Variants in CEACAM20 observed in about 807,000 individuals in gnomAD.
The protein encoded by CEACAM20 is cell adhesion molecule CEACAM20.
Under a neutral mutation model 61.2 loss-of-function variants are expected in CEACAM20, and 50 were observed. The ratio of observed to expected loss-of-function variants is 0.82; its 90% CI spans 0.65 to 1.03. The LOEUF is 1.03. Among genes scored for constraint, CEACAM20 ranks in the 50% least tolerant of loss-of-function variants. The pLI is 0.00. For synonymous variants in CEACAM20, 282 were observed against 287.7 expected (o/e 0.98, Z 0.20); for missense variants, 683 against 736.4 (o/e 0.93, Z 0.84).
At position 44,529,467 on chromosome 19, in the gene CEACAM20, G is replaced by A. The variant is rs764196654; in HGVS notation, c.43C>T (p.Leu15=). ...GAAGCAGGGCACTCACCTGAAAGCA[G>A]GATTCCCATCCAGTGGTGTCCCCAT... ...DSWGHHWMGI[L]LSASLCTVWS... The change falls in exon 1 of 12, where the codon CTG becomes TTG. Residue 15 remains leucine (L), a synonymous_variant. Transcript: ENST00000614924. 2.5e-6 allele frequency: 4 copies of A among 1,613,222 alleles called. No individual in the cohort carries two copies. The South Asian group carries it at 3.3e-5, about 13-fold the overall frequency.
In CEACAM20 at chr19:44,517,221, C is replaced by G; in HGVS notation, c.1034G>C (p.Gly345Ala). ...SEPLELTINYGPDQVHITRES... is the reference protein window; with the variant it reads ...SEPLELTINYAPDQVHITRES... Reference sequence around the variant, plus strand: ...CCTGGTGATGTGCACTTGGTCAGGACCATCTGTGTGTAAAGCCAAACGTGA... The same window carrying G: ...CCTGGTGATGTGCACTTGGTCAGGAGCATCTGTGTGTAAAGCCAAACGTGA... The change falls in exon 6 of 12, where the codon GGT becomes GCT. Residue 345 changes from glycine (G) to alanine (A), a missense_variant. Coordinates refer to ENST00000614924, the MANE Select transcript of CEACAM20 (RefSeq NM_001102597.3). 6.2e-7 allele frequency: 1 copy of G among 1,604,006 alleles called. No individual in the cohort carries two copies. The highest frequency in any genetic ancestry group is 8.5e-7 in the Non-Finnish European group (1 of 1,179,086).
chr19:44,513,350 C>T (rs1971063971), intron 6 of CEACAM20, 61 bp from the exon 7 acceptor site: 15 of 1,127,608 alleles, frequency 1.3e-5, no homozygotes, highest in Non-Finnish European at 1.7e-5. Context: ...GCTCCCAGCC[C>T]GTTCCCAAGC....
rs778673424 is a variant in CEACAM20 at position 44,522,740 on chromosome 19, G to T, written c.645C>A (p.Phe215Leu). 1.2e-6 allele frequency: 2 copies of T among 1,613,938 alleles called. No homozygotes were observed. Among genetic ancestry groups the T allele is most frequent in the South Asian group, 2.2e-5 (2 of 91,060 alleles). Reference protein sequence around the residue: ...DSILSHTTRTFTIHAVSREHE... With the variant: ...DSILSHTTRTLTIHAVSREHE... ...GTTCTCTGGACACAGCATGGATGGTGAATGTTCTCGTGGTGTGAGACAGAA... is the reference window on the plus strand; with the variant it reads ...GTTCTCTGGACACAGCATGGATGGTTAATGTTCTCGTGGTGTGAGACAGAA... The change falls in exon 4 of 12, where the codon TTC (phenylalanine) becomes TTA (leucine). Residue 215 changes from phenylalanine to leucine, a missense_variant. By Grantham distance (22) the Phe-to-Leu change is conservative. Coordinates refer to ENST00000614924, the MANE Select transcript of CEACAM20 (RefSeq NM_001102597.3).
chr19:44,523,014 C>A, intron 3 of CEACAM20, 102 bp from the exon 4 acceptor site: 1 of 1,005,636 alleles, frequency 9.9e-7, no homozygotes, highest in African/African-American at 1.6e-5. Flanking sequence ...CCCTCCTCCC[C>A]ACTCAAAGGC....
intron 1 of CEACAM20, among the ~76,000 whole-genome samples, chr19:44,527,628 C>T (rs1009826553): frequency 6.6e-6 from 1 of 152,060 alleles, no homozygotes; most frequent in African/African-American, 2.4e-5. Context: ...AGGGTCCTGC[C>T]GTTGTCCTAC....
intron 2 of CEACAM20, 109 bp downstream of exon 2, chr19:44,524,992 T>C (rs1040291404): frequency 2.2e-5 from 31 of 1,401,048 alleles, no homozygotes; most frequent in Non-Finnish European, 2.0e-6. Flanking sequence ...TGCTGGACCC[T>C]GGCTGAGCCA....
chr19:44,524,585 C>A (rs1468008086), intron 2 of CEACAM20, among the ~76,000 whole-genome samples: 1 of 151,526 alleles, frequency 6.6e-6, no homozygotes, highest in East Asian at 1.9e-4. Context: ...CCTACCCACT[C>A]TTTTTCTTTA....
At chr19:44,522,373 G>C (rs1971391073) in intron 4 of CEACAM20, among the ~76,000 whole-genome samples, 1 of 152,074 alleles carries the variant, frequency 6.6e-6, no homozygotes, top group Non-Finnish European at 1.5e-5. Flanking sequence ...AAAGTGCTGG[G>C]ATTACAGGCG....
rs1474810964 is a variant in CEACAM20, at chr19:44,524,229, C to G, written c.229G>C (p.Gly77Arg). ...ATGTCCTTCTGCTCTATGGCAGTGC[C>G]TGGGCTGACTGCAATGGAGGGTTTG... ...LAKPSIAVSP[G>R]TAIEQKDMVT... Residue 77 changes from glycine to arginine, a missense_variant, in exon 3 of 12, where the codon GGC (glycine) becomes CGC (arginine). Transcript: ENST00000614924. The G allele has an allele frequency of 3.7e-6, 6 of 1,613,624 alleles. No homozygotes were observed. The highest frequency in any genetic ancestry group is 5.1e-6 in the Non-Finnish European group (6 of 1,179,780).
At chr19:44,518,315 G>A (rs1342359276) in intron 5 of CEACAM20, among the ~76,000 whole-genome samples, 1 of 152,144 alleles carries the variant, frequency 6.6e-6, no homozygotes, top group Non-Finnish European at 1.5e-5. Flanking sequence ...TTCTAGTACT[G>A]TGTATTCTCA....
chr19:44,506,970 T>C (rs1345674085), intron 11 of CEACAM20, among the ~76,000 whole-genome samples: 6 of 152,242 alleles, frequency 3.9e-5, no homozygotes, highest in Non-Finnish European at 7.3e-5. Context: ...TTTTTACTGA[T>C]GCCTCTCAAG....
chr19:44,529,138 T>C (rs1408610835), intron 1 of CEACAM20, among the ~76,000 whole-genome samples: 1 of 151,794 alleles, frequency 6.6e-6, no homozygotes, highest in African/African-American at 2.4e-5. Context: ...CTAATTTTTG[T>C]ATTTTTAGTA....
At position 44,512,060 on chromosome 19, in the gene CEACAM20, T is replaced by C. The variant is rs931015714; in HGVS notation, c.1532A>G (p.Tyr511Cys). The part of the protein sequence containing the change: ...EPSSESLSPE[Y>C]RNISQLQGRI... Reference sequence around the variant, plus strand: ...TCCCTGAAGCTGGGATATATTGCGATACTCAGGACTCAGGCTTTCTAGAAA... The same window carrying C: ...TCCCTGAAGCTGGGATATATTGCGACACTCAGGACTCAGGCTTTCTAGAAA... Residue 511 changes from tyrosine (Y) to cysteine (C), a missense_variant, in exon 9 of 12, where the codon TAT becomes TGT. Physicochemically the swap from Tyr to Cys is radical, Grantham distance 194. Transcript: ENST00000614924. The C allele has an allele frequency of 6.2e-7, 1 of 1,608,486 alleles. No individual in the cohort carries two copies. The highest frequency in any genetic ancestry group is 1.1e-5 in the South Asian group (1 of 89,466).
At chr19:44,525,696 G>C (rs1048881835) in intron 1 of CEACAM20, among the ~76,000 whole-genome samples, 10 of 152,106 alleles carry the variant, frequency 6.6e-5, no homozygotes, top group Non-Finnish European at 1.5e-4. Context: ...GCCCGCCTCG[G>C]CCTCCCAAAG....
In CEACAM20 at chr19:44,522,776, G is replaced by T. The variant is rs1261847401; in HGVS notation, c.609C>A (p.Leu203=). Residue 203 remains leucine (L), a synonymous_variant, in exon 4 of 12, where the codon CTC becomes CTA. Coordinates refer to ENST00000614924, the MANE Select transcript of CEACAM20 (RefSeq NM_001102597.3). Reference sequence around the variant, plus strand: ...TGGTGTGAGACAGAATGGAGTCAAGGAGAAACCAAGTATAGGCACAGGGTG... The same window carrying T: ...TGGTGTGAGACAGAATGGAGTCAAGTAGAAACCAAGTATAGGCACAGGGTG... ...SHPPCAYTWF[L]LDSILSHTTR... is the part of the protein sequence containing the mutation. 3 of 1,613,874 alleles carry T rather than the reference G, an allele frequency of 1.9e-6. No homozygotes were observed. The Admixed American group carries it at 5.0e-5, about 27-fold the overall frequency.
chr19:44,520,873 A>G, intron 4 of CEACAM20, 121 bp from the exon 5 acceptor site: 1 of 945,702 alleles, frequency 1.1e-6, no homozygotes, highest in South Asian at 1.6e-5. Flanking sequence ...TGTGTGTTAC[A>G]GGTGGTGTAT....
chr19:44,509,614 G>A (rs1970913765), intron 11 of CEACAM20, among the ~76,000 whole-genome samples: 1 of 152,110 alleles, frequency 6.6e-6, no homozygotes, highest in South Asian at 2.1e-4. Flanking sequence ...AGAGGATGAA[G>A]TGAGAAAACA....
chr19:44,516,874 G>A (rs907538734), intron 6 of CEACAM20, 72 bp downstream of exon 6: 24 of 1,513,002 alleles, frequency 1.6e-5, no homozygotes, highest in Non-Finnish European at 2.1e-5. Flanking sequence ...GGTAGGGGTA[G>A]ACTAGGTAGC....
intron 5 of CEACAM20, among the ~76,000 whole-genome samples, chr19:44,519,580 A>T (rs1411963168): frequency 1.3e-5 from 2 of 152,140 alleles, no homozygotes. Flanking sequence ...TCGGTGGCTC[A>T]GGCAATAAAC....
Sources: gnomAD v4.1 joint callset for allele counts (sites outside exome capture counted in the v4.1 genomes callset) on GRCh38, gnomAD v4.1.1 for gene constraint, MANE v1.5 for transcripts, NCBI Gene and HGNC (gene_info 2026-07-23, HGNC 2026-07-21) for gene names.